The following HECW1 variants were observed in gnomAD, a reference collection of about 807,000 sequenced individuals.
HECW1 encodes the protein E3 ubiquitin-protein ligase HECW1.
In HECW1, 61 loss-of-function variants were observed where a neutral mutation model predicts 182.3. The observed-to-expected ratio is 0.33, with a 90% CI of 0.27 to 0.41. The LOEUF is 0.41. Among genes scored for constraint, HECW1 ranks in the 10% least tolerant of loss-of-function variants. The pLI is 1.00. For missense variants in HECW1, 1,739 were observed against 2,108.9 expected (o/e 0.82, Z 3.44); for synonymous variants, 859 against 832.6 (o/e 1.03, Z -0.55).
chr7:43,250,266 C>G (rs930012953), intron 3 of HECW1, among the ~76,000 whole-genome samples: 5 of 152,150 alleles, frequency 3.3e-5, no homozygotes, highest in Non-Finnish European at 7.3e-5. Context: ...ATGAACTACT[C>G]TGAATTCGAT....
intron 29 of HECW1, among the ~76,000 whole-genome samples, chr7:43,556,878 C>T (rs1367734626): frequency 1.3e-5 from 2 of 152,038 alleles, no homozygotes; most frequent in Non-Finnish European, 2.9e-5. Context: ...CTAAGGCAGA[C>T]ATTGGGCTTA....
chr7:43,402,538 C>T (rs1396918394), intron 7 of HECW1, among the ~76,000 whole-genome samples: 3 of 152,132 alleles, frequency 2.0e-5, no homozygotes, highest in Admixed American at 2.0e-4. Context: ...AAGAGGAACA[C>T]CCTCAGGTTT....
chr7:43,288,543 T>C (rs900786723), intron 3 of HECW1, among the ~76,000 whole-genome samples: 2 of 152,172 alleles, frequency 1.3e-5, no homozygotes, highest in South Asian at 4.1e-4. Context: ...AGGCAGAGCT[T>C]TGAGGCCCCG....
intron 2 of HECW1, among the ~76,000 whole-genome samples, chr7:43,201,697 C>CT (rs1436081314): frequency 3.3e-5 from 5 of 152,156 alleles, no homozygotes; most frequent in African/African-American, 4.8e-5. Flanking sequence ...AGACTCTAGA[C>CT]TAGGGAATCT....
intron 3 of HECW1, among the ~76,000 whole-genome samples, chr7:43,258,071 G>A (rs1800769540): frequency 6.6e-6 from 1 of 152,176 alleles, no homozygotes; most frequent in African/African-American, 2.4e-5. Context: ...CAGGCGTGGT[G>A]GCTCACGCCT....
chr7:43,445,590 C>A lies in HECW1; in HGVS notation c.2398+20C>A. On this transcript the variant is annotated intron_variant, in intron 11 of 29. Coordinates refer to ENST00000395891, the MANE Select transcript of HECW1 (RefSeq NM_015052.5). ...GAGAAGGTTAGACCTCAAACCTGAT[C>A]AGAGTGAGAATAGGACCATCAGGGG... 6.5e-7 allele frequency: 1 copy of A among 1,538,950 alleles called. No homozygotes were observed. Among genetic ancestry groups the A allele is most frequent in the Non-Finnish European group, 8.8e-7 (1 of 1,138,182 alleles).
chr7:43,284,088 C>T (rs978087489), intron 3 of HECW1, among the ~76,000 whole-genome samples: 2 of 152,098 alleles, frequency 1.3e-5, no homozygotes, highest in African/African-American at 4.8e-5. Flanking sequence ...GTTTGAGATA[C>T]GTGACTCTAA....
chr7:43,557,089 A>G (rs2082052463), intron 29 of HECW1, among the ~76,000 whole-genome samples: 1 of 44,000 alleles, frequency 2.3e-5, no homozygotes, highest in South Asian at 6.2e-4. Context: ...CAAAGAACCT[A>G]AAAAAATGTC....
rs1209186747 is a variant in HECW1 at position 43,554,698 on chromosome 7, C to T, written c.4617C>T (p.Ser1539=). 5 of 1,614,114 alleles carry T rather than the reference C, an allele frequency of 3.1e-6. No individual in the cohort carries two copies. Among genetic ancestry groups the T allele is most frequent in the African/African-American group, 1.3e-5 (1 of 75,060 alleles). The change falls in exon 29 of 30, where the codon AGC becomes AGT. Residue 1539 remains serine (S), a synonymous_variant. Coordinates refer to ENST00000395891, the MANE Select transcript of HECW1 (RefSeq NM_015052.5). ...RLLQFVTGTS[S]VPYEGFAALR... ...TGCAGTTTGTCACGGGAACATCCAG[C>T]GTGCCCTACGAAGGCTTCGCAGCCC...
At chr7:43,536,490 C>G (rs1398996468) in intron 24 of HECW1, among the ~76,000 whole-genome samples, 1 of 152,236 alleles carries the variant, frequency 6.6e-6, no homozygotes, top group Non-Finnish European at 1.5e-5. Flanking sequence ...TGCCTCCTCT[C>G]CTCAGCCACG....
intron 2 of HECW1, among the ~76,000 whole-genome samples, chr7:43,218,840 C>T (rs777826338): frequency 7.2e-5 from 11 of 152,030 alleles, no homozygotes; most frequent in African/African-American, 1.9e-4. Context: ...TAAAATGACA[C>T]GGACACACGT....
chr7:43,562,257 G>C lies in HECW1; in HGVS notation c.*331G>C, dbSNP rs2082227828. Reference sequence around the variant, plus strand: ...AAGTTAAGCTACACTTGACCAAATGGTAATAAATGTTTACTTCCATTTCTA... The same window carrying C: ...AAGTTAAGCTACACTTGACCAAATGCTAATAAATGTTTACTTCCATTTCTA... On this transcript the variant is annotated 3_prime_UTR_variant, in exon 30 of 30. Coordinates refer to ENST00000395891, the MANE Select transcript of HECW1 (RefSeq NM_015052.5). 2 of 257,844 alleles carry C rather than the reference G, an allele frequency of 7.8e-6. No individual in the cohort carries two copies. Among genetic ancestry groups the C allele is most frequent in the East Asian group, 5.9e-5 (1 of 17,026 alleles). The allele number at this position is 257,844 out of a possible 1,614,324, so 16.0% of individuals were successfully genotyped here. A position where few individuals can be genotyped will look rare whatever the true frequency, so the allele number is the denominator to read the frequency against.
At chr7:43,142,835 G>A (rs1788308490) in intron 2 of HECW1, among the ~76,000 whole-genome samples, 1 of 152,098 alleles carries the variant, frequency 6.6e-6, no homozygotes, top group African/African-American at 2.4e-5. Flanking sequence ...CCTATCTGTG[G>A]GATGGAGCAC....
In HECW1 at chr7:43,114,688, C is replaced by T. The variant is rs112881053; in HGVS notation, c.-32+297C>T. Among the ~76,000 whole-genome samples the T allele has an allele frequency of 8.1e-3, 1,239 of 152,330 alleles. 6 individuals are homozygous for T. Among genetic ancestry groups the T allele is most frequent in the Non-Finnish European group, 0.011 (741 of 68,034 alleles). On this transcript the variant is annotated intron_variant, in intron 2 of 29. Transcript: ENST00000395891. ...GTTCTGACTAATTCCACACTATAAT[C>T]CCAGTCTAGTGCAGTTGGCTGCTTT...
At chr7:43,455,127 CT>C (rs139339162) in intron 12 of HECW1, among the ~76,000 whole-genome samples, 1 of 151,290 alleles carries the variant, frequency 6.6e-6, no homozygotes, top group African/African-American at 2.4e-5. Flanking sequence ...TTTTTGTTTT[CT>C]TTTTTTTTGT....
chr7:43,452,071 A>G (rs532128343), intron 12 of HECW1, among the ~76,000 whole-genome samples: 5 of 152,334 alleles, frequency 3.3e-5, no homozygotes, highest in Admixed American at 2.6e-4. Context: ...GAAACACAAT[A>G]TTTGTTTTTC....
At chr7:43,315,793 C>T (rs1445301542) in intron 4 of HECW1, among the ~76,000 whole-genome samples, 1 of 152,120 alleles carries the variant, frequency 6.6e-6, no homozygotes, top group Non-Finnish European at 1.5e-5. Flanking sequence ...CGCGCCTGGC[C>T]CTGTCCCATT....
intron 23 of HECW1, 30 bp from the exon 24 acceptor site, chr7:43,508,939 G>A (rs1422472589): frequency 1.2e-6 from 2 of 1,609,368 alleles, no homozygotes; most frequent in Non-Finnish European, 8.5e-7. Flanking sequence ...GGCACAGAAT[G>A]AGCTTCCTGG....
chr7:43,128,720 G>A lies in HECW1; in HGVS notation c.-32+14329G>A, dbSNP rs545418167. Among the ~76,000 whole-genome samples, 19 of 152,320 alleles carry A rather than the reference G, an allele frequency of 1.2e-4. No homozygotes were observed. In the South Asian group the frequency reaches 3.9e-3, roughly 32 times the overall value. Reference sequence around the variant, plus strand: ...GTGATTCTTCTGCTGGATCTGGGTAGAGTCCATTGAAAACCTTCTGGAAAG... The same window carrying A: ...GTGATTCTTCTGCTGGATCTGGGTAAAGTCCATTGAAAACCTTCTGGAAAG... On this transcript the variant is annotated intron_variant, in intron 2 of 29. Coordinates refer to ENST00000395891, the MANE Select transcript of HECW1 (RefSeq NM_015052.5).
Sources: allele counts gnomAD v4.1 joint callset (sites outside exome capture counted in the v4.1 genomes callset), GRCh38; gene constraint gnomAD v4.1.1; transcripts MANE v1.5; gene names NCBI Gene and HGNC (gene_info 2026-07-23, HGNC 2026-07-21).